ROBO2: variants seen among roughly 807,000 people sequenced by gnomAD.
ROBO2 encodes roundabout homolog 2.
ROBO2 carries 53 observed loss-of-function variants against 160.8 expected under a neutral mutation model. The observed-to-expected ratio is 0.33, with a 90% CI of 0.26 to 0.41. ROBO2 has a LOEUF of 0.41. ROBO2 is among the 10% of genes least tolerant of loss of function. ROBO2 has a pLI of 1.00. For synonymous variants in ROBO2, 664 were observed against 611.7 expected (o/e 1.09, Z -1.26); for missense variants, 1,577 against 1,722.4 (o/e 0.92, Z 1.49).
At chr3:76,597,931 T>C (rs920922134) in intron 2 of ROBO2, among the ~76,000 whole-genome samples, 5 of 152,126 alleles carry the variant, frequency 3.3e-5, no homozygotes, top group Non-Finnish European at 5.9e-5. Flanking sequence ...CATTTTTTAA[T>C]CTCGGAAAGA....
At chr3:77,393,982 C>T (rs994975422) in intron 2 of ROBO2, among the ~76,000 whole-genome samples, 14 of 152,140 alleles carry the variant, frequency 9.2e-5, no homozygotes, top group African/African-American at 2.9e-4. Context: ...TTTGACCAAA[C>T]AGTGGCAACA....
chr3:77,042,479 G>GT (rs904631782), intron 1 of ROBO2, among the ~76,000 whole-genome samples: 6 of 152,122 alleles, frequency 3.9e-5, no homozygotes, highest in Non-Finnish European at 5.9e-5. Flanking sequence ...ATCACCAAGG[G>GT]TTTTTTTATA....
At chr3:77,636,160 C>T (rs2095260485) in intron 24 of ROBO2, among the ~76,000 whole-genome samples, 2 of 152,188 alleles carry the variant, frequency 1.3e-5, no homozygotes, top group Middle Eastern at 6.8e-3. Flanking sequence ...TTTGGGGGTA[C>T]ACAAACATCC....
chr3:76,589,455 A>G (rs2086273494), intron 2 of ROBO2, among the ~76,000 whole-genome samples: 2 of 152,056 alleles, frequency 1.3e-5, no homozygotes, highest in African/African-American at 2.4e-5. Flanking sequence ...CGCCGCCACC[A>G]CGCCCGGCTA....
chr3:76,751,296 A>C (rs2060627575), intron 2 of ROBO2, among the ~76,000 whole-genome samples: 1 of 152,110 alleles, frequency 6.6e-6, no homozygotes, highest in Non-Finnish European at 1.5e-5. Flanking sequence ...TTATACAAAA[A>C]CTAATTCAAG....
At chr3:77,589,014 C>G in intron 17 of ROBO2, 81 bp downstream of exon 18, 1 of 1,520,148 alleles carries the variant, frequency 6.6e-7, no homozygotes, top group Non-Finnish European at 9.1e-7. Context: ...AAAGGAATAA[C>G]AAATGAGTGA....
intron 6 of ROBO2, 113 bp downstream of exon 6, chr3:77,523,015 T>C: frequency 1.5e-6 from 2 of 1,294,428 alleles, no homozygotes; most frequent in Non-Finnish European, 2.2e-6. Context: ...TGTACTAAAA[T>C]GCCTAGATTT....
At chr3:77,360,384 G>A (rs2069780471) in intron 2 of ROBO2, among the ~76,000 whole-genome samples, 1 of 152,028 alleles carries the variant, frequency 6.6e-6, no homozygotes, top group Non-Finnish European at 1.5e-5. Flanking sequence ...TTTTGTTTGA[G>A]ATGAAGGGTG....
intron 2 of ROBO2, among the ~76,000 whole-genome samples, chr3:76,689,604 T>C (rs963426492): frequency 4.6e-5 from 7 of 152,066 alleles, no homozygotes; most frequent in African/African-American, 1.4e-4. Context: ...AAAAAGAAAA[T>C]GTAGGAAACC....
intron 2 of ROBO2, among the ~76,000 whole-genome samples, chr3:76,648,296 A>G (rs1357569242): frequency 1.3e-5 from 2 of 152,174 alleles, no homozygotes; most frequent in East Asian, 1.9e-4. Context: ...ATGAGTCTAT[A>G]AGCATATAAA....
At chr3:76,518,296 A>AT (rs954564583) in intron 2 of ROBO2, among the ~76,000 whole-genome samples, 2 of 151,634 alleles carry the variant, frequency 1.3e-5, no homozygotes, top group African/African-American at 4.8e-5. Flanking sequence ...TTTTTTTAGA[A>AT]TTTTTTTTCT....
At chr3:77,012,649 G>T (rs1038929264) in intron 2 of ROBO2, among the ~76,000 whole-genome samples, 2 of 152,128 alleles carry the variant, frequency 1.3e-5, no homozygotes, top group African/African-American at 4.8e-5. Context: ...GTCAAAATTT[G>T]TCTACTGAAA....
chr3:76,016,839 T>C (rs2066419755), intron 2 of ROBO2, among the ~76,000 whole-genome samples: 1 of 152,158 alleles, frequency 6.6e-6, no homozygotes, highest in African/African-American at 2.4e-5. Context: ...ACATGATTTT[T>C]CTATTCCTAA....
At position 76,272,881 on chromosome 3, in the gene ROBO2, TTTATATATAAAAATATAA is replaced by T. The variant is rs1413247846; in HGVS notation, c.109+335281_109+335298del. On this transcript the variant is annotated intron_variant, in intron 2 of 26. Transcript: ENST00000487694. Reference sequence around the variant, plus strand: ...AAATATATAAAATATATAATATATATTTATATATAAAAATATAATATATATTTATATATAAAATATATA... The same window carrying T: ...AAATATATAAAATATATAATATATATTATATATTTATATATAAAATATATA... Among the ~76,000 whole-genome samples the T allele has an allele frequency of 2.1e-3, 30 of 14,586 alleles. 2 individuals carry two copies. Among genetic ancestry groups the T allele is most frequent in the African/African-American group, 6.4e-3 (30 of 4,666 alleles). The allele number at this position is 14,586 out of a possible 152,430, so 9.6% of individuals were successfully genotyped here.
At chr3:76,730,067 A>G (rs946413135) in intron 2 of ROBO2, among the ~76,000 whole-genome samples, 1 of 152,050 alleles carries the variant, frequency 6.6e-6, no homozygotes, top group Non-Finnish European at 1.5e-5. Context: ...TGTCTTCACC[A>G]TCTATTAGTA....
At chr3:76,331,223 A>G (rs2108026495) in intron 2 of ROBO2, among the ~76,000 whole-genome samples, 1 of 152,308 alleles carries the variant, frequency 6.6e-6, no homozygotes, top group East Asian at 1.9e-4. Flanking sequence ...CTGTTTCTAA[A>G]TACAAACAAT....
At chr3:77,459,949 TG>T (rs34899612) in intron 2 of ROBO2, among the ~76,000 whole-genome samples, 2 of 132,664 alleles carry the variant, frequency 1.5e-5, no homozygotes, top group African/African-American at 5.8e-5. Flanking sequence ...GTGGAGTGGG[TG>T]GGGGGGTCCT....
chr3:77,260,210 G>T (rs1446411050), intron 2 of ROBO2, among the ~76,000 whole-genome samples: 1 of 152,084 alleles, frequency 6.6e-6, no homozygotes, highest in African/African-American at 2.4e-5. Context: ...CAGCCCATTT[G>T]TGAGTTTTGG....
intron 2 of ROBO2, among the ~76,000 whole-genome samples, chr3:76,498,348 T>C (rs779862389): frequency 2.4e-4 from 36 of 152,160 alleles, no homozygotes; most frequent in Non-Finnish European, 4.6e-4. Flanking sequence ...TACAAAACTT[T>C]AGTTAGATAG....
Sources: gnomAD v4.1 joint callset for allele counts (sites outside exome capture counted in the v4.1 genomes callset) on GRCh38, gnomAD v4.1.1 for gene constraint, MANE v1.5 for transcripts, NCBI Gene and HGNC (gene_info 2026-07-23, HGNC 2026-07-21) for gene names.